The following PRKAR1B variants were observed in gnomAD, a reference collection of about 807,000 sequenced individuals.
PRKAR1B encodes cAMP-dependent protein kinase type I-beta regulatory subunit.
In PRKAR1B, 22 loss-of-function variants were observed where a neutral mutation model predicts 46.5. The observed-to-expected ratio is 0.47, with a 90% CI of 0.34 to 0.68. The LOEUF (loss-of-function observed/expected upper bound fraction) is 0.68, where lower values mean the gene tolerates loss of function less well. Ranked by LOEUF, PRKAR1B falls within the 30% of genes least tolerant of loss-of-function variation. The pLI, the probability that PRKAR1B is intolerant of heterozygous loss-of-function variation, is 0.01. For missense variants in PRKAR1B, 445 were observed against 535.6 expected, an observed-to-expected ratio of 0.83 and a Z score of 1.67; for synonymous variants, 259 against 217.7, an observed-to-expected ratio of 1.19 and a Z score of -1.67.
chr7:671,953 T>G (rs1786277993), intron 4 of PRKAR1B, among the ~76,000 whole-genome samples: 1 of 152,146 alleles, frequency 6.6e-6, no homozygotes, highest in South Asian at 2.1e-4. Flanking sequence ...CGTGCAGGCC[T>G]CTCTCAATGT....
At chr7:621,536 C>G (rs1177409228) in intron 4 of PRKAR1B, among the ~76,000 whole-genome samples, 1 of 152,258 alleles carries the variant, frequency 6.6e-6, no homozygotes, top group Non-Finnish European at 1.5e-5. Context: ...CAATCTGCCA[C>G]AATTCCCAAG....
intron 4 of PRKAR1B, among the ~76,000 whole-genome samples, chr7:660,890 C>T (rs1336370454): frequency 3.9e-5 from 5 of 129,094 alleles, no homozygotes; most frequent in Non-Finnish European, 6.5e-5. Flanking sequence ...CCTACTCCAA[C>T]GGGTCCAAAT....
chr7:652,500 A>G, intron 4 of PRKAR1B, among the ~76,000 whole-genome samples: 1 of 150,204 alleles, frequency 6.7e-6, no homozygotes, highest in African/African-American at 2.5e-5. Context: ...GTTCACACCC[A>G]CACAGTGCTA....
intron 4 of PRKAR1B, among the ~76,000 whole-genome samples, chr7:659,753 G>A (rs918283711): frequency 1.3e-5 from 2 of 152,066 alleles, no homozygotes; most frequent in South Asian, 2.1e-4. Flanking sequence ...TCGCTCTGTC[G>A]CCCAGTGCAG....
At position 601,373 on chromosome 7, in the gene PRKAR1B, C is replaced by A. The variant is rs1242343298; in HGVS notation, c.549+4820G>T. ...GGGTTCACACAGCAGCTGGATGGGG[C>A]TGCCTGGGGCTGCCATGCGGCCGTT... is the stretch of plus-strand genomic sequence containing the variant. On this transcript the variant is annotated intron_variant, in intron 6 of 10. Transcript: ENST00000537384. 2.6e-5 allele frequency among the ~76,000 whole-genome samples: 4 copies of A among 152,240 alleles called. 1 individual carries two copies. Among genetic ancestry groups the A allele is most frequent in the Non-Finnish European group, 5.9e-5 (4 of 68,030 alleles).
chr7:600,359 G>T (rs1219719891), intron 6 of PRKAR1B, among the ~76,000 whole-genome samples: 1 of 152,124 alleles, frequency 6.6e-6, no homozygotes, highest in Non-Finnish European at 1.5e-5. Flanking sequence ...TTTAAAATTA[G>T]CTGGACGTGG....
rs199634652 is a variant in PRKAR1B at position 657,420 on chromosome 7, A to G, written c.440+19809T>C. Reference sequence around the variant, plus strand: ...GGATGGATGGATGGATGGATGGATGAATGAATGAATGGGTGAATGATTCAT... The same window carrying G: ...GGATGGATGGATGGATGGATGGATGGATGAATGAATGGGTGAATGATTCAT... On this transcript the variant is annotated intron_variant, in intron 4 of 10. Coordinates refer to ENST00000537384, the MANE Select transcript of PRKAR1B (RefSeq NM_001164760.2). 4.1e-3 allele frequency among the ~76,000 whole-genome samples: 493 copies of G among 120,332 alleles called. 1 individual carries two copies. The highest frequency in any genetic ancestry group is 8.3e-3 in the South Asian group (22 of 2,666). 78.9% of individuals were successfully genotyped at this position (120,332 alleles called of 152,430 possible). A position where few individuals can be genotyped will look rare whatever the true frequency, so the allele number is the denominator to read the frequency against.
At chr7:695,809 G>A (rs770727580) in intron 2 of PRKAR1B, among the ~76,000 whole-genome samples, 28 of 151,642 alleles carry the variant, frequency 1.8e-4, no homozygotes, top group East Asian at 2.0e-4. Context: ...GACTACAGGT[G>A]CCTGCCACCA....
intron 6 of PRKAR1B, among the ~76,000 whole-genome samples, chr7:605,713 C>T (rs185890919): frequency 9.9e-5 from 15 of 152,242 alleles, no homozygotes; most frequent in Admixed American, 3.9e-4. Flanking sequence ...ACGGCTGGGA[C>T]GTTCCAAGCT....
chr7:570,522 C>G (rs922404285), intron 9 of PRKAR1B, among the ~76,000 whole-genome samples: 2 of 152,122 alleles, frequency 1.3e-5, no homozygotes, highest in African/African-American at 4.8e-5. Flanking sequence ...CCCGTCCCCC[C>G]ACTGCCTGCC....
chr7:567,483 TTCATCACCATCACCA>T (rs1412219098), intron 9 of PRKAR1B, among the ~76,000 whole-genome samples: 9 of 102,548 alleles, frequency 8.8e-5, no homozygotes, highest in South Asian at 3.5e-4. Flanking sequence ...CACCATCACC[TTCATCACCATCACCA>T]TCATCACCAT....
At chr7:709,523 A>C (rs2128527705) in intron 2 of PRKAR1B, among the ~76,000 whole-genome samples, 1 of 151,670 alleles carries the variant, frequency 6.6e-6, no homozygotes, top group South Asian at 2.1e-4. Context: ...GGCGCCTGCC[A>C]CCTCGCCCGG....
At chr7:614,806 G>C (rs1782711285) in intron 4 of PRKAR1B, among the ~76,000 whole-genome samples, 1 of 152,116 alleles carries the variant, frequency 6.6e-6, no homozygotes, top group South Asian at 2.1e-4. Context: ...CAGCTACTTG[G>C]GAGGCTGAGG....
intron 4 of PRKAR1B, among the ~76,000 whole-genome samples, chr7:661,384 A>G (rs376016738): frequency 6.1e-4 from 27 of 44,352 alleles, no homozygotes; most frequent in Admixed American, 1.1e-3. Flanking sequence ...ACCCCAACAG[A>G]TCCAAATACC....
At chr7:631,267 C>G (rs928638913) in intron 4 of PRKAR1B, among the ~76,000 whole-genome samples, 2 of 152,206 alleles carry the variant, frequency 1.3e-5, no homozygotes, top group African/African-American at 2.4e-5. Context: ...AACTGGTTTT[C>G]AAGAGCAGTT....
chr7:576,349 T>C (rs771220482), intron 9 of PRKAR1B, among the ~76,000 whole-genome samples: 1 of 152,198 alleles, frequency 6.6e-6, no homozygotes, highest in African/African-American at 2.4e-5. Flanking sequence ...GGTTTCATCC[T>C]TTCCCTCCTC....
intron 4 of PRKAR1B, among the ~76,000 whole-genome samples, chr7:629,263 G>A (rs1783592122): frequency 6.6e-6 from 1 of 152,146 alleles, no homozygotes; most frequent in African/African-American, 2.4e-5. Context: ...AAATGCTGCA[G>A]GAGCGGGGCC....
intron 4 of PRKAR1B, among the ~76,000 whole-genome samples, chr7:651,467 C>T (rs371904066): frequency 6.6e-6 from 1 of 152,236 alleles, no homozygotes; most frequent in African/African-American, 2.4e-5. Context: ...ACAGACTTCA[C>T]GTGTCAACAA....
chr7:611,763 CGAAT>C (rs1313684715), intron 4 of PRKAR1B, among the ~76,000 whole-genome samples: 1 of 119,614 alleles, frequency 8.4e-6, no homozygotes. Context: ...GGTGAGTAGA[CGAAT>C]GAATGGATGG....
Sources: gnomAD v4.1 joint callset for allele counts (sites outside exome capture counted in the v4.1 genomes callset) on GRCh38, gnomAD v4.1.1 for gene constraint, MANE v1.5 for transcripts, NCBI Gene and HGNC (gene_info 2026-07-23, HGNC 2026-07-21) for gene names.